KLF12: variants seen among roughly 807,000 people sequenced by gnomAD.
KLF12 encodes the protein Krueppel-like factor 12.
Under a neutral mutation model 37.8 loss-of-function variants are expected in KLF12, and 9 were observed. The observed-to-expected ratio is 0.24, with a 90% CI of 0.14 to 0.42. KLF12 has a LOEUF of 0.42. Among genes scored for constraint, KLF12 ranks in the 10% least tolerant of loss-of-function variants. The pLI, the probability that KLF12 is intolerant of heterozygous loss-of-function variation, is 1.00. For synonymous variants in KLF12, 208 were observed against 202.1 expected (o/e 1.03, Z -0.25); for missense variants, 411 against 516.0 (o/e 0.80, Z 1.97).
intron 3 of KLF12, among the ~76,000 whole-genome samples, chr13:73,939,044 G>A (rs914503924): frequency 6.6e-6 from 1 of 152,112 alleles, no homozygotes; most frequent in Non-Finnish European, 1.5e-5. Context: ...TGTTTCTGCC[G>A]CACTATTGCC....
chr13:74,211,256 G>T, the KLF12 span, among the ~76,000 whole-genome samples: 3 of 152,136 alleles, frequency 2.0e-5, no homozygotes, highest in Non-Finnish European at 2.9e-5. Flanking sequence ...CTGGTTTGTT[G>T]TTTGGGTTTT....
At chr13:73,744,201 A>C (rs1469646148) in intron 6 of KLF12, among the ~76,000 whole-genome samples, 1 of 152,186 alleles carries the variant, frequency 6.6e-6, no homozygotes, top group Non-Finnish European at 1.5e-5. Context: ...CATGGATTGG[A>C]TTAGGAGATT....
intron 1 of KLF12, among the ~76,000 whole-genome samples, chr13:74,054,115 T>C (rs1377986239): frequency 6.6e-6 from 1 of 152,116 alleles, no homozygotes; most frequent in African/African-American, 2.4e-5. Context: ...ATATCTTCAA[T>C]AGGTATTTCA....
chr13:73,739,228 T>G (rs1877764685), intron 6 of KLF12, among the ~76,000 whole-genome samples: 1 of 121,240 alleles, frequency 8.2e-6, no homozygotes, highest in African/African-American at 2.9e-5. Context: ...AGTGAGACTC[T>G]GTCTCAAATT....
chr13:74,162,892 C>T, the KLF12 span, among the ~76,000 whole-genome samples: 1 of 152,040 alleles, frequency 6.6e-6, no homozygotes, highest in Non-Finnish European at 1.5e-5. Flanking sequence ...AAATAAATTA[C>T]ATCAAAGAAA....
the KLF12 span, among the ~76,000 whole-genome samples, chr13:74,299,059 C>T: frequency 7.9e-5 from 12 of 152,288 alleles, no homozygotes; most frequent in African/African-American, 1.9e-4. Context: ...GAAGGAAATG[C>T]GGGTGCCCAC....
intron 1 of KLF12, among the ~76,000 whole-genome samples, chr13:74,072,265 A>C (rs912661343): frequency 2.7e-5 from 4 of 150,812 alleles, no homozygotes; most frequent in Non-Finnish European, 5.9e-5. Context: ...ATGCTCATTA[A>C]AAAGAAATAT....
At chr13:74,155,570 C>T in the KLF12 span, among the ~76,000 whole-genome samples, 1 of 151,970 alleles carries the variant, frequency 6.6e-6, no homozygotes, top group African/African-American at 2.4e-5. Context: ...ACCATGTTGG[C>T]CAGGCTGGTC....
chr13:74,068,108 T>C (rs567913848), intron 1 of KLF12, among the ~76,000 whole-genome samples: 7 of 152,358 alleles, frequency 4.6e-5, no homozygotes, highest in African/African-American at 1.4e-4. Context: ...GGCACATTTT[T>C]AATAAGAGGT....
At chr13:74,156,443 G>T in the KLF12 span, among the ~76,000 whole-genome samples, 1 of 152,142 alleles carries the variant, frequency 6.6e-6, no homozygotes, top group Non-Finnish European at 1.5e-5. Flanking sequence ...GGAGAATGAG[G>T]TATCCATCCC....
chr13:74,159,488 G>A, the KLF12 span, among the ~76,000 whole-genome samples: 5,726 of 152,204 alleles, frequency 0.038, 356 homozygotes, highest in African/African-American at 0.13. Flanking sequence ...CACAGAAAAT[G>A]TTGTCCCATG....
Position 73,687,625 on chromosome 13 carries a change from T to A in KLF12, c.*7865A>T, listed in dbSNP as rs1873572076. ...TTAGCAGAAAGGGAAGATGTTGGTA[T>A]GTCCCTAAAATATCTTACTTTTTGA... is the stretch of plus-strand genomic sequence containing the variant. On this transcript the variant is annotated 3_prime_UTR_variant, in exon 8 of 8. Transcript: ENST00000377669. The A allele has an allele frequency of 6.6e-6, 1 of 152,222 alleles. No individual in the cohort carries two copies. The highest frequency in any genetic ancestry group is 1.9e-4 in the East Asian group (1 of 5,200). 9.4% of individuals were successfully genotyped at this position (152,222 alleles called of 1,614,324 possible).
At chr13:73,989,148 A>C (rs896707959) in intron 2 of KLF12, among the ~76,000 whole-genome samples, 3 of 152,190 alleles carry the variant, frequency 2.0e-5, no homozygotes, top group African/African-American at 7.2e-5. Context: ...TTCTTTTAAA[A>C]CCCACTGAAA....
the KLF12 span, among the ~76,000 whole-genome samples, chr13:74,299,373 T>G: frequency 2.6e-4 from 40 of 152,326 alleles, no homozygotes; most frequent in Admixed American, 7.2e-4. Flanking sequence ...TTCTGTCCTT[T>G]CACCCTATAT....
At chr13:74,025,430 TAA>T (rs1455731016) in intron 1 of KLF12, among the ~76,000 whole-genome samples, 2 of 152,186 alleles carry the variant, frequency 1.3e-5, no homozygotes, top group Non-Finnish European at 2.9e-5. Flanking sequence ...AATCGACTCA[TAA>T]AGTGTCTGAA....
At chr13:74,141,870 C>T in the KLF12 span, among the ~76,000 whole-genome samples, 11 of 152,122 alleles carry the variant, frequency 7.2e-5, no homozygotes, top group Admixed American at 3.9e-4. Context: ...CTGGCAGTTG[C>T]CTTTTTACTA....
At chr13:74,084,444 A>C (rs1261695641) in intron 1 of KLF12, among the ~76,000 whole-genome samples, 1 of 152,174 alleles carries the variant, frequency 6.6e-6, no homozygotes, top group Non-Finnish European at 1.5e-5. Context: ...AGTCCCCATT[A>C]GATTTTAAAG....
chr13:73,700,136 G>T (rs1055923915), intron 7 of KLF12, among the ~76,000 whole-genome samples: 3 of 151,902 alleles, frequency 2.0e-5, no homozygotes, highest in African/African-American at 7.3e-5. Context: ...GTGTGGTGAC[G>T]TGCATCTGTA....
the KLF12 span, among the ~76,000 whole-genome samples, chr13:74,139,963 A>C: frequency 6.6e-6 from 1 of 152,130 alleles, no homozygotes; most frequent in Non-Finnish European, 1.5e-5. Flanking sequence ...CTTTAATTTC[A>C]TGCTATATAC....
Sources: allele counts gnomAD v4.1 joint callset (sites outside exome capture counted in the v4.1 genomes callset), GRCh38; gene constraint gnomAD v4.1.1; transcripts MANE v1.5; gene names NCBI Gene and HGNC (gene_info 2026-07-23, HGNC 2026-07-21).